CNTNAP5: variants seen among roughly 807,000 people sequenced by gnomAD.
CNTNAP5 encodes contactin associated protein family member 5.
A neutral mutation model predicts 150.2 loss-of-function variants in CNTNAP5; 72 were observed. The observed-to-expected ratio is 0.48, with a 90% CI of 0.40 to 0.58. CNTNAP5 has a LOEUF of 0.58. Ranked by LOEUF, CNTNAP5 falls within the 20% of genes least tolerant of loss-of-function variation. The probability of loss-of-function intolerance (pLI) is 0.00; values close to 1 mark genes in which losing one functional copy is unlikely to be tolerated. For missense variants in CNTNAP5, 1,636 were observed against 1,626.2 expected (o/e 1.01, Z -0.10); for synonymous variants, 672 against 619.8 (o/e 1.08, Z -1.25).
chr2:124,221,836 G>A, intron 2 of CNTNAP5, 27 bp downstream of exon 2: 3 of 1,434,040 alleles, frequency 2.1e-6, no homozygotes, highest in East Asian at 2.3e-5. Flanking sequence ...AAATCCTAAT[G>A]CCAAGCACTA....
At chr2:124,416,977 G>A (rs1434998836) in intron 3 of CNTNAP5, among the ~76,000 whole-genome samples, 2 of 129,734 alleles carry the variant, frequency 1.5e-5, no homozygotes, top group East Asian at 2.3e-4. Flanking sequence ...TCCCTCTGTC[G>A]CCCAGGCTGG....
chr2:124,069,189 T>C (rs1355972721), intron 1 of CNTNAP5, among the ~76,000 whole-genome samples: 2 of 152,048 alleles, frequency 1.3e-5, no homozygotes, highest in Admixed American at 6.5e-5. Flanking sequence ...GAGTGAACAT[T>C]AGCAGTGGCC....
At chr2:124,336,516 C>G (rs1689472925) in intron 3 of CNTNAP5, among the ~76,000 whole-genome samples, 1 of 95,258 alleles carries the variant, frequency 1.0e-5, no homozygotes, top group Non-Finnish European at 1.9e-5. Context: ...TAATGCTATC[C>G]CTCCCCCCTC....
At chr2:124,891,112 G>A (rs1216932704) in intron 21 of CNTNAP5, among the ~76,000 whole-genome samples, 6 of 152,144 alleles carry the variant, frequency 3.9e-5, no homozygotes, top group Non-Finnish European at 5.9e-5. Flanking sequence ...AAAGTTAGGC[G>A]GATCCTACTA....
At chr2:124,221,671 TG>T in intron 1 of CNTNAP5, 33 bp from the exon 2 acceptor site, 1 of 1,296,118 alleles carries the variant, frequency 7.7e-7, no homozygotes, top group Admixed American at 1.8e-5. Context: ...TAATAGAATC[TG>T]GTCTCTCTCC....
intron 3 of CNTNAP5, among the ~76,000 whole-genome samples, chr2:124,377,451 A>G (rs940370970): frequency 2.0e-5 from 3 of 152,084 alleles, no homozygotes; most frequent in Admixed American, 2.0e-4. Context: ...AGGTGGGCAG[A>G]TCACCTGAGG....
chr2:124,538,977 C>T (rs546408159), intron 10 of CNTNAP5, among the ~76,000 whole-genome samples: 1 of 152,278 alleles, frequency 6.6e-6, no homozygotes, highest in East Asian at 1.9e-4. Flanking sequence ...TTAATTTTTT[C>T]CTCATTTACA....
At chr2:124,747,126 T>C in intron 13 of CNTNAP5, 103 bp from the exon 14 acceptor site, 2 of 1,076,518 alleles carry the variant, frequency 1.9e-6, no homozygotes, top group Non-Finnish European at 2.7e-6. Flanking sequence ...AGATTATCTA[T>C]ATACATCTAT....
At chr2:124,230,326 T>C (rs769062205) in intron 2 of CNTNAP5, among the ~76,000 whole-genome samples, 1 of 152,054 alleles carries the variant, frequency 6.6e-6, no homozygotes, top group African/African-American at 2.4e-5. Flanking sequence ...ATTTCAGCTG[T>C]CTAGGGACTT....
intron 13 of CNTNAP5, among the ~76,000 whole-genome samples, chr2:124,732,014 G>A (rs1282586160): frequency 6.6e-6 from 1 of 152,002 alleles, no homozygotes; most frequent in Non-Finnish European, 1.5e-5. Flanking sequence ...CTTTTACTCG[G>A]AGCAAGTTTA....
At chr2:124,510,305 A>ATATATATATCTATATATATATATC (rs1558933307) in intron 8 of CNTNAP5, among the ~76,000 whole-genome samples, 1 of 96,292 alleles carries the variant, frequency 1.0e-5, no homozygotes, top group African/African-American at 4.6e-5. Context: ...ATATATCTAT[A>ATATATATATCTATATATATATATC]TATATATCTA....
At chr2:124,707,073 A>G (rs1368983319) in intron 13 of CNTNAP5, among the ~76,000 whole-genome samples, 7 of 132,320 alleles carry the variant, frequency 5.3e-5, no homozygotes, top group African/African-American at 1.5e-4. Flanking sequence ...AGGAAGAGGA[A>G]GAAGAAGAAG....
At chr2:124,418,722 T>C (rs959895952) in intron 4 of CNTNAP5, among the ~76,000 whole-genome samples, 1 of 152,212 alleles carries the variant, frequency 6.6e-6, no homozygotes, top group Non-Finnish European at 1.5e-5. Context: ...CCAAACTTTG[T>C]ATGATAAAGC....
chr2:124,527,560 C>A (rs1473594740), intron 10 of CNTNAP5, 104 bp downstream of exon 10: 2 of 868,986 alleles, frequency 2.3e-6, no homozygotes, highest in Non-Finnish European at 3.4e-6. Context: ...ACATTAGCCA[C>A]ATTAGACATA....
chr2:124,315,006 G>A (rs1488957939), intron 3 of CNTNAP5, among the ~76,000 whole-genome samples: 4 of 150,604 alleles, frequency 2.7e-5, no homozygotes, highest in Non-Finnish European at 4.4e-5. Context: ...TTTTGATGGG[G>A]TGTTGCTCTG....
intron 6 of CNTNAP5, among the ~76,000 whole-genome samples, chr2:124,456,296 C>T (rs781088630): frequency 9.2e-5 from 14 of 151,952 alleles, no homozygotes; most frequent in Non-Finnish European, 1.8e-4. Flanking sequence ...AACTCAGCCC[C>T]TTTTACAATA....
At position 124,135,915 on chromosome 2, in the gene CNTNAP5, T is replaced by C. The variant is rs527539223; in HGVS notation, c.83-85790T>C. On this transcript the variant is annotated intron_variant, in intron 1 of 23. Coordinates refer to ENST00000682447, the MANE Select transcript of CNTNAP5 (RefSeq NM_001367498.1). ...TCACAATCTCCTTCACGAAGACTTA[T>C]TGATGGCCTGCTTTTTTCATCATGC... Among the ~76,000 whole-genome samples, 7 of 152,328 alleles carry C rather than the reference T, an allele frequency of 4.6e-5. No individual in the cohort carries two copies. In the South Asian group the frequency reaches 8.3e-4, roughly 18 times the overall value.
intron 1 of CNTNAP5, among the ~76,000 whole-genome samples, chr2:124,115,792 T>TTGTGTGTGTGTGTGTGTGTG (rs5834038): frequency 2.9e-4 from 40 of 138,302 alleles, no homozygotes; most frequent in East Asian, 1.8e-3. Context: ...GCCTGGCTAA[T>TTGTGTGTGTGTGTGTGTGTG]TGTGTGTGTG....
intron 10 of CNTNAP5, among the ~76,000 whole-genome samples, chr2:124,528,549 CA>C (rs1247485157): frequency 1.3e-5 from 2 of 152,116 alleles, no homozygotes; most frequent in African/African-American, 4.8e-5. Flanking sequence ...GTTGAATTGG[CA>C]ATATCTATTT....
Sources: allele counts gnomAD v4.1 joint callset (sites outside exome capture counted in the v4.1 genomes callset), GRCh38; gene constraint gnomAD v4.1.1; transcripts MANE v1.5; gene names NCBI Gene and HGNC (gene_info 2026-07-23, HGNC 2026-07-21).